TBC1D8: variants seen among roughly 807,000 people sequenced by gnomAD.
TBC1D8 encodes the protein TBC1 domain family member 8.
TBC1D8 carries 65 observed loss-of-function variants against 118.8 expected under a neutral mutation model. That is an observed-to-expected ratio of 0.55 (90% CI 0.45 to 0.67). The LOEUF is 0.67. TBC1D8 is among the 30% of genes least tolerant of loss of function. The probability of loss-of-function intolerance (pLI) is 0.00; values close to 1 mark genes in which losing one functional copy is unlikely to be tolerated. For synonymous variants in TBC1D8, 566 were observed against 595.8 expected (o/e 0.95, Z 0.73); for missense variants, 1,376 against 1,471.2 (o/e 0.94, Z 1.06).
At chr2:101,123,844 C>G (rs1678233012) in intron 1 of TBC1D8, among the ~76,000 whole-genome samples, 1 of 152,236 alleles carries the variant, frequency 6.6e-6, no homozygotes, top group Non-Finnish European at 1.5e-5. Context: ...TCCATGGCCT[C>G]TCCCTGTGGG....
At chr2:101,019,021 G>C in intron 17 of TBC1D8, 1 of 1,612,376 alleles carries the variant, frequency 6.2e-7, no homozygotes, top group Non-Finnish European at 8.5e-7. Flanking sequence ...CAGTGTTACA[G>C]TCGCCAAGAG....
At chr2:101,115,324 G>A (rs1174275563) in intron 1 of TBC1D8, among the ~76,000 whole-genome samples, 1 of 152,184 alleles carries the variant, frequency 6.6e-6, no homozygotes, top group African/African-American at 2.4e-5. Context: ...TGGAGTGGAG[G>A]AGACTTAGCA....
In TBC1D8 at chr2:101,151,382, T is replaced by C. The variant is rs1270421203; in HGVS notation, c.-129A>G. ...ACAGCCCGGCCGGTGCCCAGCGCTC[T>C]GAGAGCCCGCGGAGCGCAGCAGGCG... On this transcript the variant is annotated 5_prime_UTR_variant, in exon 1 of 20. Transcript: ENST00000409318. 4.3e-6 allele frequency: 4 copies of C among 928,272 alleles called. No homozygotes were observed. The highest frequency in any genetic ancestry group is 1.4e-4 in the East Asian group (2 of 14,122). 57.5% of individuals were successfully genotyped at this position (928,272 alleles called of 1,614,324 possible).
intron 2 of TBC1D8, among the ~76,000 whole-genome samples, chr2:101,072,274 G>A (rs1392262372): frequency 1.3e-5 from 2 of 152,162 alleles, no homozygotes. Context: ...CACTGCACCA[G>A]CATCTGCTCC....
At chr2:101,022,654 A>G (rs530777341) in intron 15 of TBC1D8, 133 bp from the exon 16 acceptor site, 86 of 1,318,000 alleles carry the variant, frequency 6.5e-5, no homozygotes, top group Middle Eastern at 3.8e-4. Flanking sequence ...TTCCCTTGTT[A>G]CCCTGACATC....
At chr2:101,027,819 G>A (rs1391684258) in intron 14 of TBC1D8, among the ~76,000 whole-genome samples, 1 of 152,198 alleles carries the variant, frequency 6.6e-6, no homozygotes, top group Admixed American at 6.5e-5. Context: ...AGCAGGCACT[G>A]TTATCCCCAT....
At chr2:101,024,330 A>G (rs1680209945) in intron 15 of TBC1D8, among the ~76,000 whole-genome samples, 3 of 152,012 alleles carry the variant, frequency 2.0e-5, no homozygotes, top group Admixed American at 2.0e-4. Context: ...TAAAAGATCC[A>G]TGATATTAAA....
At chr2:101,136,715 C>A (rs1025540302) in intron 1 of TBC1D8, among the ~76,000 whole-genome samples, 1 of 152,144 alleles carries the variant, frequency 6.6e-6, no homozygotes, top group African/African-American at 2.4e-5. Context: ...CTAGTCTGAC[C>A]CTTCACTCCA....
At chr2:101,142,972 A>G (rs1473283808) in intron 1 of TBC1D8, among the ~76,000 whole-genome samples, 1 of 152,084 alleles carries the variant, frequency 6.6e-6, no homozygotes, top group Non-Finnish European at 1.5e-5. Flanking sequence ...AAAGTTCCTA[A>G]CTAAGAAACA....
chr2:101,017,794 A>G, intron 17 of TBC1D8: 2 of 1,531,748 alleles, frequency 1.3e-6, no homozygotes, highest in Non-Finnish European at 1.8e-6. Context: ...CAAGCTCAGG[A>G]CTTTTTAATA....
At chr2:101,112,981 C>T (rs796063) in intron 1 of TBC1D8, among the ~76,000 whole-genome samples, 74,445 of 151,940 alleles carry the variant, frequency 0.49, 18,285 homozygotes, top group East Asian at 0.65. Context: ...AACAGCCCAG[C>T]GCACTCTGAT....
intron 3 of TBC1D8, among the ~76,000 whole-genome samples, chr2:101,057,946 G>A (rs940798174): frequency 1.3e-5 from 2 of 152,218 alleles, no homozygotes; most frequent in Admixed American, 6.5e-5. Flanking sequence ...TTCTACAGAA[G>A]CCGTTTTAAA....
chr2:101,146,549 T>C (rs185606683), intron 1 of TBC1D8, among the ~76,000 whole-genome samples: 14 of 152,352 alleles, frequency 9.2e-5, no homozygotes, highest in Admixed American at 7.2e-4. Flanking sequence ...GTGGTGATAT[T>C]TGTTATTTAG....
At chr2:101,090,487 A>T (rs1675963507) in intron 1 of TBC1D8, 123 bp from the exon 2 acceptor site, 1 of 1,049,844 alleles carries the variant, frequency 9.5e-7, no homozygotes, top group African/African-American at 1.6e-5. Context: ...TTTTACATCC[A>T]GTTCTTCAAC....
chr2:101,042,188 AAAG>A (rs1439721240), intron 5 of TBC1D8, among the ~76,000 whole-genome samples: 1 of 152,066 alleles, frequency 6.6e-6, no homozygotes, highest in Non-Finnish European at 1.5e-5. Flanking sequence ...GATGAGGAGG[AAAG>A]AAGGATCCTA....
Position 101,022,518 on chromosome 2 carries a change from C to G in TBC1D8, c.2524G>C (p.Glu842Gln). 6.3e-7 allele frequency: 1 copy of G among 1,590,670 alleles called. No individual in the cohort carries two copies. The highest frequency in any genetic ancestry group is 8.5e-7 in the Non-Finnish European group (1 of 1,174,184). ...TCCCAGTAACAGCTCATCATATGTT[C>G]TCTCTTCAAACAAGAGGGGGAAAGG... ...LEELYDLFKR[E>Q]HMMSCYWEQP... is the part of the protein sequence containing the mutation. Residue 842 changes from glutamate to glutamine, a missense_variant, in exon 16 of 20, where the codon GAA (glutamate) becomes CAA (glutamine). Transcript: ENST00000409318.
intron 1 of TBC1D8, 72 bp downstream of exon 1, chr2:101,151,055 T>C (rs1679540832): frequency 1.1e-5 from 11 of 958,418 alleles, no homozygotes; most frequent in Non-Finnish European, 1.4e-5. Context: ...AGCCCGGGAC[T>C]GGGGGCCGCG....
At chr2:101,027,946 A>C in intron 14 of TBC1D8, 102 bp downstream of exon 14, 7 of 990,798 alleles carry the variant, frequency 7.1e-6, no homozygotes, top group Non-Finnish European at 1.1e-5. Flanking sequence ...AAATATATAT[A>C]TACATTTTTC....
chr2:101,074,827 C>T (rs907250678), intron 2 of TBC1D8, among the ~76,000 whole-genome samples: 2 of 152,094 alleles, frequency 1.3e-5, no homozygotes, highest in African/African-American at 2.4e-5. Flanking sequence ...ATTTATTTTT[C>T]TTTATCATCA....
Sources: allele counts gnomAD v4.1 joint callset (sites outside exome capture counted in the v4.1 genomes callset), GRCh38; gene constraint gnomAD v4.1.1; transcripts MANE v1.5; gene names NCBI Gene and HGNC (gene_info 2026-07-23, HGNC 2026-07-21).